Variants in DNASE1 observed in about 807,000 individuals in gnomAD.
DNASE1 encodes deoxyribonuclease-1.
Under a neutral mutation model 33.9 loss-of-function variants are expected in DNASE1, and 40 were observed. The observed-to-expected ratio is 1.18, with a 90% CI of 0.92 to 1.54. The LOEUF (loss-of-function observed/expected upper bound fraction) is 1.54. DNASE1 is among the 40% of genes most tolerant of loss of function. DNASE1 has a pLI of 0.00. For missense variants in DNASE1, 518 were observed against 372.6 expected, an observed-to-expected ratio of 1.39 and a Z score of -3.21; for synonymous variants, 216 against 160.0, an observed-to-expected ratio of 1.35 and a Z score of -2.64.
At chr16:3,646,281 G>A (rs2042170015) in intron 1 of DNASE1, among the ~76,000 whole-genome samples, 1 of 152,156 alleles carries the variant, frequency 6.6e-6, no homozygotes, top group African/African-American at 2.4e-5. Context: ...GCTGTGTCCA[G>A]TGGCTGGCTG....
At chr16:3,620,548 C>T (rs890890370) in intron 1 of DNASE1, among the ~76,000 whole-genome samples, 2 of 151,612 alleles carry the variant, frequency 1.3e-5, no homozygotes, top group African/African-American at 2.4e-5. Flanking sequence ...TTATACTATG[C>T]ATATTGCATC....
At chr16:3,640,614 A>T (rs80096442), upstream of DNASE1, 736 of 397,732 alleles carry the variant, frequency 1.9e-3, 7 homozygotes, top group African/African-American at 0.013. Context: ...ATAAACAGAG[A>T]ACAAACAAAA....
chr16:3,643,999 C>T (rs1421312172), intron 1 of DNASE1, among the ~76,000 whole-genome samples: 1 of 152,046 alleles, frequency 6.6e-6, no homozygotes, highest in Non-Finnish European at 1.5e-5. Flanking sequence ...CCTCGGCCTC[C>T]CAAAGTGCTG....
chr16:3,617,071 G>A (rs2041128245), intron 1 of DNASE1, among the ~76,000 whole-genome samples: 1 of 152,014 alleles, frequency 6.6e-6, no homozygotes, highest in Non-Finnish European at 1.5e-5. Context: ...GCTGGGCGTG[G>A]TGGCTCACCC....
downstream of DNASE1, chr16:3,661,929 C>G: frequency 6.6e-7 from 1 of 1,525,944 alleles, no homozygotes; most frequent in East Asian, 2.3e-5. Flanking sequence ...CAAAAGAACA[C>G]CACACACAGG....
chr16:3,617,326 CAAAAAAAAAAAAAAAA>C (rs56670885), intron 1 of DNASE1, among the ~76,000 whole-genome samples: 15 of 57,708 alleles, frequency 2.6e-4, no homozygotes, highest in Middle Eastern at 9.4e-3. Flanking sequence ...AACTCCATCT[CAAAAAAAAAAAAAAAA>C]AAAAAAAAAA....
chr16:3,627,126 T>A (rs944554567), intron 1 of DNASE1, among the ~76,000 whole-genome samples: 1 of 152,092 alleles, frequency 6.6e-6, no homozygotes, highest in Non-Finnish European at 1.5e-5. Context: ...TCCTCCCATG[T>A]TGGCCAAGTG....
downstream of DNASE1, chr16:3,661,989 G>A: frequency 6.2e-7 from 1 of 1,604,740 alleles, no homozygotes; most frequent in Non-Finnish European, 8.5e-7. Flanking sequence ...GGCCTCACCT[G>A]GGGTTGATCT....
At chr16:3,644,162 G>A (rs557427110) in intron 1 of DNASE1, among the ~76,000 whole-genome samples, 1 of 152,228 alleles carries the variant, frequency 6.6e-6, no homozygotes, top group Admixed American at 6.5e-5. Flanking sequence ...TTAAAATTCA[G>A]CCAGGTGCAG....
At chr16:3,619,080 A>C (rs1406633733) in intron 1 of DNASE1, among the ~76,000 whole-genome samples, 1 of 151,778 alleles carries the variant, frequency 6.6e-6, no homozygotes, top group Non-Finnish European at 1.5e-5. Flanking sequence ...TATCATCCAG[A>C]ATGGAGTGCA....
chr16:3,652,861 C>A, upstream of DNASE1: 1 of 152,498 alleles, frequency 6.6e-6, no homozygotes, highest in African/African-American at 2.4e-5. Flanking sequence ...TCATTTCCTG[C>A]AGTTCTCATA....
At chr16:3,614,410 A>C (rs776627790) in intron 1 of DNASE1, among the ~76,000 whole-genome samples, 1 of 152,250 alleles carries the variant, frequency 6.6e-6, no homozygotes, top group South Asian at 2.1e-4. Context: ...GTTCAGAGCC[A>C]CAAGGGAGAC....
At chr16:3,655,105 A>G in intron 1 of DNASE1, 61 bp downstream of exon 1, 1 of 595,782 alleles carries the variant, frequency 1.7e-6, no homozygotes. Context: ...AGGGAGGCTT[A>G]GAGTCTCATC....
At chr16:3,638,767 G>C (rs201092945), upstream of DNASE1, among the ~76,000 whole-genome samples, 1 of 152,262 alleles carries the variant, frequency 6.6e-6, no homozygotes, top group East Asian at 1.9e-4. Context: ...CCAATTATGT[G>C]CACATTAGAC....
upstream of DNASE1, among the ~76,000 whole-genome samples, chr16:3,641,646 C>T (rs2042025770): frequency 6.6e-6 from 1 of 152,228 alleles, no homozygotes; most frequent in Non-Finnish European, 1.5e-5. Flanking sequence ...GTGCTTTCTG[C>T]ACGTGTCGCG....
downstream of DNASE1, chr16:3,658,414 C>G: frequency 1.6e-6 from 1 of 616,334 alleles, no homozygotes; most frequent in Non-Finnish European, 2.8e-6. Context: ...GCCACCACGC[C>G]TGGCCATTTT....
At chr16:3,662,214 AC>A, downstream of DNASE1, 1 of 1,521,908 alleles carries the variant, frequency 6.6e-7, no homozygotes, top group South Asian at 1.3e-5. Context: ...GGTGAAGGTC[AC>A]CCAGACCACG....
intron 1 of DNASE1, among the ~76,000 whole-genome samples, chr16:3,612,191 T>C (rs1248983362): frequency 1.3e-5 from 2 of 152,120 alleles, no homozygotes; most frequent in African/African-American, 4.8e-5. Flanking sequence ...TGAGGGACTT[T>C]ACACATCGTA....
chr16:3,655,679 C>T (rs1159564793), intron 2 of DNASE1, among the ~76,000 whole-genome samples, 159 bp downstream of exon 2: 3 of 152,200 alleles, frequency 2.0e-5, no homozygotes. Flanking sequence ...GGACCAAGGT[C>T]CTCATCCCTG....
Sources: gnomAD v4.1 joint callset for allele counts (sites outside exome capture counted in the v4.1 genomes callset) on GRCh38, gnomAD v4.1.1 for gene constraint, MANE v1.5 for transcripts, NCBI Gene and HGNC (gene_info 2026-07-23, HGNC 2026-07-21) for gene names.